Variants in FGF13 observed in about 807,000 individuals in gnomAD.
FGF13 encodes fibroblast growth factor 13, also known as fibroblast growth factor homologous factor 2.
A neutral mutation model predicts 19.5 loss-of-function variants in FGF13; 2 were observed. That is an observed-to-expected ratio of 0.10 (90% CI 0.04 to 0.32). The LOEUF (loss-of-function observed/expected upper bound fraction) is 0.32, where lower values mean the gene tolerates loss of function less well. Among genes scored for constraint, FGF13 ranks in the 10% least tolerant of loss-of-function variants. The pLI is 1.00. For missense variants in FGF13, 113 were observed against 192.7 expected, an observed-to-expected ratio of 0.59 and a Z score of 2.45; for synonymous variants, 72 against 76.9, an observed-to-expected ratio of 0.94 and a Z score of 0.33.
intron 3 of FGF13, among the ~76,000 whole-genome samples, chrX:138,646,316 G>T (rs2089305969): frequency 8.9e-6 from 1 of 111,996 alleles, no homozygotes; most frequent in Non-Finnish European, 1.9e-5. Flanking sequence ...AACACTTTCT[G>T]CTGGAGAACT....
intron 1 of FGF13, among the ~76,000 whole-genome samples, chrX:138,952,448 A>G (rs1462956474): frequency 3.6e-5 from 4 of 112,321 alleles, no homozygotes; most frequent in Admixed American, 1.9e-4. Flanking sequence ...AAAGACTTAA[A>G]TGTTAGACCT....
intron 1 of FGF13, among the ~76,000 whole-genome samples, chrX:139,023,490 AAG>A (rs766790647): frequency 2.0e-3 from 214 of 108,766 alleles, no homozygotes; most frequent in Non-Finnish European, 3.5e-3. Context: ...GAGAGAAGGG[AAG>A]AGAGAGAGAG....
chrX:139,061,939 C>T (rs917047305), intron 1 of FGF13, among the ~76,000 whole-genome samples: 2 of 103,608 alleles, frequency 1.9e-5, no homozygotes, highest in African/African-American at 7.4e-5. Context: ...CTATTGCGTT[C>T]TCTGAGCTCC....
intron 1 of FGF13, among the ~76,000 whole-genome samples, chrX:138,984,569 GAAGAAGAAGAAGAAGAAGAA>G (rs1459708688): frequency 2.0e-5 from 1 of 50,172 alleles, no homozygotes; most frequent in African/African-American, 7.5e-5. Flanking sequence ...AGAAGAAGAA[GAAGAAGAAGAAGAAGAAGAA>G]GGAGGAGGAG....
intron 1 of FGF13, among the ~76,000 whole-genome samples, chrX:139,201,317 T>C (rs1369479774): frequency 1.8e-5 from 2 of 112,201 alleles, no homozygotes; most frequent in African/African-American, 6.5e-5. Context: ...ACCTACTACC[T>C]GTGCTTTAAA....
chrX:138,872,165 G>C (rs1471534487), intron 1 of FGF13, among the ~76,000 whole-genome samples: 1 of 111,995 alleles, frequency 8.9e-6, no homozygotes, highest in African/African-American at 3.3e-5. Flanking sequence ...CAGAAGTAAT[G>C]GCTGATGGCA....
At chrX:138,814,400 T>C (rs1348555620) in intron 3 of FGF13, among the ~76,000 whole-genome samples, 2 of 109,352 alleles carry the variant, frequency 1.8e-5, no homozygotes, top group Non-Finnish European at 3.8e-5. Flanking sequence ...AAAGAAACAA[T>C]GAACAGAGTG....
intron 3 of FGF13, among the ~76,000 whole-genome samples, chrX:138,680,316 A>C (rs2089715164): frequency 8.9e-6 from 1 of 112,420 alleles, no homozygotes; most frequent in Non-Finnish European, 1.9e-5. Context: ...AACATCTAGA[A>C]TGATGAATCC....
intron 1 of FGF13, among the ~76,000 whole-genome samples, chrX:139,159,367 C>T (rs2084008176): frequency 9.0e-6 from 1 of 111,541 alleles, no homozygotes; most frequent in Admixed American, 9.5e-5. Flanking sequence ...CCAGCCACTG[C>T]AAAAACATAC....
In FGF13 at chrX:139,106,047, G is replaced by T. The variant is rs1328906415; in HGVS notation, c.-113+97369C>A. Among the ~76,000 whole-genome samples the T allele has an allele frequency of 2.7e-5, 3 of 112,334 alleles. No homozygotes were observed. In the South Asian group the frequency reaches 1.1e-3, roughly 42 times the overall value. ...CTGTTGGCAATAGCAGCATTCCAGAGATAGAGTGACACTGCATGGGAATGC... is the reference window on the plus strand; with the variant it reads ...CTGTTGGCAATAGCAGCATTCCAGATATAGAGTGACACTGCATGGGAATGC... On this transcript the variant is annotated intron_variant, in intron 1 of 2. Transcript: ENST00000421460.
At chrX:138,780,365 C>T (rs1393264361) in intron 3 of FGF13, among the ~76,000 whole-genome samples, 1 of 94,109 alleles carries the variant, frequency 1.1e-5, no homozygotes, top group Admixed American at 1.1e-4. Flanking sequence ...AAGACACAGA[C>T]TGGCAAATTG....
intron 1 of FGF13, among the ~76,000 whole-genome samples, chrX:138,959,668 A>G (rs1156300425): frequency 9.0e-6 from 1 of 111,383 alleles, no homozygotes; most frequent in Non-Finnish European, 1.9e-5. Context: ...GTCTCTTTGT[A>G]AGTCTCTAAG....
Position 138,621,662 on chromosome X carries a change from GT to G in FGF13, c.*11187del, listed in dbSNP as rs953668150. ...TAAAAAAGAGCAATAAAACTGAGTT[GT>G]TTTTTGAAAAGATTAAAAAACAGAC... On this transcript the variant is annotated 3_prime_UTR_variant, in exon 5 of 5. Coordinates refer to ENST00000315930, the MANE Select transcript of FGF13 (RefSeq NM_004114.5). 9 of 111,266 alleles carry G rather than the reference GT, an allele frequency of 8.1e-5. No individual in the cohort carries two copies. Among genetic ancestry groups the G allele is most frequent in the Non-Finnish European group, 1.1e-4 (6 of 52,956 alleles). The allele number at this position is 111,266 out of a possible 1,213,427, so 9.2% of individuals were successfully genotyped here.
chrX:139,030,809 C>G (rs954314224), intron 1 of FGF13, among the ~76,000 whole-genome samples: 2 of 112,109 alleles, frequency 1.8e-5, no homozygotes, highest in Admixed American at 9.5e-5. Context: ...AGTTGCAAGT[C>G]TTCTTATGAT....
intron 1 of FGF13, among the ~76,000 whole-genome samples, chrX:139,176,364 AC>A (rs1386816180): frequency 9.6e-6 from 1 of 103,986 alleles, no homozygotes; most frequent in Non-Finnish European, 2.0e-5. Flanking sequence ...TCCTGGATTC[AC>A]TGATTTTTTG....
chrX:139,151,492 G>A (rs2083934112), intron 1 of FGF13, among the ~76,000 whole-genome samples: 1 of 111,991 alleles, frequency 8.9e-6, no homozygotes. Flanking sequence ...AGCAAGATCT[G>A]AATGACTGTC....
intron 1 of FGF13, among the ~76,000 whole-genome samples, chrX:138,899,323 G>A (rs1383579020): frequency 9.0e-6 from 1 of 111,145 alleles, no homozygotes; most frequent in Non-Finnish European, 1.9e-5. Flanking sequence ...AAATTTCAAT[G>A]TCATGGTTGT....
intron 3 of FGF13, among the ~76,000 whole-genome samples, chrX:138,809,326 C>G (rs2124027489): frequency 8.9e-6 from 1 of 112,093 alleles, no homozygotes; most frequent in African/African-American, 3.2e-5. Flanking sequence ...ATCACATAAA[C>G]AGAACCAAAG....
chrX:138,857,698 A>G, intron 2 of FGF13: 1 of 1,129,475 alleles, frequency 8.9e-7, no homozygotes, highest in Non-Finnish European at 1.2e-6. Context: ...ACCACATAAC[A>G]AAATGAACTC....
Sources: allele counts gnomAD v4.1 joint callset (sites outside exome capture counted in the v4.1 genomes callset), GRCh38; gene constraint gnomAD v4.1.1; transcripts MANE v1.5; gene names NCBI Gene and HGNC (gene_info 2026-07-23, HGNC 2026-07-21).